The following MGMT variants were observed in gnomAD, a reference collection of about 807,000 sequenced individuals.
MGMT encodes methylated-DNA--protein-cysteine methyltransferase.
MGMT carries 14 observed loss-of-function variants against 15.9 expected under a neutral mutation model. The ratio of observed to expected loss-of-function variants is 0.88; its 90% CI spans 0.58 to 1.37. The LOEUF (loss-of-function observed/expected upper bound fraction) is 1.37, where lower values mean the gene tolerates loss of function less well. MGMT is among the 40% of genes most tolerant of loss of function. The probability of loss-of-function intolerance (pLI) is 0.00; values close to 1 mark genes in which losing one functional copy is unlikely to be tolerated. For missense variants in MGMT, 282 were observed against 268.1 expected (o/e 1.05, Z -0.36); for synonymous variants, 130 against 118.2 (o/e 1.10, Z -0.65).
chr10:129,579,366 C>T (rs1036195348), intron 2 of MGMT, among the ~76,000 whole-genome samples: 52 of 152,286 alleles, frequency 3.4e-4, no homozygotes, highest in African/African-American at 1.2e-3. Context: ...CCAGGAGTCC[C>T]GTGGGTCAGG....
intron 3 of MGMT, among the ~76,000 whole-genome samples, chr10:129,709,079 T>C (rs1486720605): frequency 6.6e-6 from 1 of 152,228 alleles, no homozygotes; most frequent in Non-Finnish European, 1.5e-5. Flanking sequence ...GCAGCTATAA[T>C]GAACCAGGCA....
intron 1 of MGMT, among the ~76,000 whole-genome samples, chr10:129,498,025 G>T (rs150211004): frequency 3.0e-4 from 46 of 152,236 alleles, no homozygotes; most frequent in African/African-American, 1.1e-3. Context: ...ACTTGTGACA[G>T]TTCCTCTTGC....
intron 2 of MGMT, among the ~76,000 whole-genome samples, chr10:129,604,737 A>ACCCGCCCCCCCCCCCCCCCCC (rs1466589243): frequency 2.6e-5 from 1 of 38,766 alleles, no homozygotes; most frequent in Non-Finnish European, 5.4e-5. Flanking sequence ...TCGCCGCCCC[A>ACCCGCCCCCCCCCCCCCCCCC]CCCCCTCCCC....
chr10:129,496,285 G>A (rs1013028356), intron 1 of MGMT, among the ~76,000 whole-genome samples: 2 of 152,078 alleles, frequency 1.3e-5, no homozygotes, highest in African/African-American at 4.8e-5. Flanking sequence ...CCAAAAGCTG[G>A]TCCGATTCTT....
At chr10:129,658,842 G>A (rs534273246) in intron 2 of MGMT, among the ~76,000 whole-genome samples, 3 of 152,112 alleles carry the variant, frequency 2.0e-5, no homozygotes, top group Non-Finnish European at 4.4e-5. Context: ...CTCGCCCTTA[G>A]CTCGCGTGCC....
chr10:129,628,048 C>T (rs1847170368), intron 2 of MGMT, among the ~76,000 whole-genome samples: 2 of 152,078 alleles, frequency 1.3e-5, no homozygotes, highest in South Asian at 4.1e-4. Flanking sequence ...ATATTTTAGT[C>T]CTATTAATGA....
chr10:129,494,712 G>A lies in MGMT; in HGVS notation c.-13+27416G>A, dbSNP rs1845503459. On this transcript the variant is annotated intron_variant, in intron 1 of 4. Coordinates refer to ENST00000651593, the MANE Select transcript of MGMT (RefSeq NM_002412.5). ...AATAAGTAGCCACATGTGGCTAACAGCTGCGTATGGACACTGCCAGTCTAG... is the reference window on the plus strand; with the variant it reads ...AATAAGTAGCCACATGTGGCTAACAACTGCGTATGGACACTGCCAGTCTAG... Among the ~76,000 whole-genome samples the A allele has an allele frequency of 2.0e-5, 3 of 152,326 alleles. No homozygotes were observed. In the South Asian group the frequency reaches 6.2e-4, roughly 32 times the overall value.
At chr10:129,540,600 T>C (rs1846032661) in intron 2 of MGMT, among the ~76,000 whole-genome samples, 1 of 152,254 alleles carries the variant, frequency 6.6e-6, no homozygotes, top group Admixed American at 6.5e-5. Flanking sequence ...ATTCTTTAAA[T>C]TTGGTAGAAT....
intron 1 of MGMT, among the ~76,000 whole-genome samples, chr10:129,508,208 C>T (rs187640475): frequency 9.2e-5 from 14 of 152,148 alleles, no homozygotes; most frequent in African/African-American, 2.4e-4. Context: ...AGCCCTTTTG[C>T]GGGTGGTTCT....
chr10:129,517,029 T>A (rs1344195455), intron 1 of MGMT, among the ~76,000 whole-genome samples: 1 of 152,196 alleles, frequency 6.6e-6, no homozygotes, highest in East Asian at 1.9e-4. Context: ...CAAACTGGTG[T>A]CCAGCAGTCA....
At chr10:129,537,100 C>G (rs1845994212) in intron 2 of MGMT, 1 of 152,006 alleles carries the variant, frequency 6.6e-6, no homozygotes, top group African/African-American at 2.4e-5. Context: ...TTAATTTCCT[C>G]CGTTCATTCT....
At chr10:129,624,304 G>A (rs61978634) in intron 2 of MGMT, among the ~76,000 whole-genome samples, 5,137 of 152,282 alleles carry the variant, frequency 0.034, 219 homozygotes, top group African/African-American at 0.098. Context: ...ATCTCATGGT[G>A]TAGCTTTGGG....
chr10:129,514,664 T>C (rs973649115), intron 1 of MGMT, among the ~76,000 whole-genome samples: 3 of 152,006 alleles, frequency 2.0e-5, no homozygotes, highest in Non-Finnish European at 2.9e-5. Flanking sequence ...GGGGGGAGAT[T>C]AGGTTAGTGC....
At chr10:129,580,049 C>T (rs980096636) in intron 2 of MGMT, among the ~76,000 whole-genome samples, 2 of 152,138 alleles carry the variant, frequency 1.3e-5, no homozygotes, top group Non-Finnish European at 2.9e-5. Context: ...ATTAGGTGTT[C>T]CAGGCTTTGT....
chr10:129,691,743 C>T (rs550483117), intron 2 of MGMT, among the ~76,000 whole-genome samples: 35 of 152,234 alleles, frequency 2.3e-4, no homozygotes, highest in African/African-American at 6.7e-4. Flanking sequence ...GGAATTCAAA[C>T]GCAGCTTCCT....
rs528033031 is a variant in MGMT at position 129,578,285 on chromosome 10, A to C, written c.125+41908A>C. 9.8e-5 allele frequency among the ~76,000 whole-genome samples: 15 copies of C among 152,334 alleles called. No individual in the cohort carries two copies. In the South Asian group the frequency reaches 3.1e-3, roughly 32 times the overall value. On this transcript the variant is annotated intron_variant, in intron 2 of 4. Coordinates refer to ENST00000651593, the MANE Select transcript of MGMT (RefSeq NM_002412.5). ...ATAGCAAAAACTCGGAACCAACCCAAATGTCCAACAATGATAGACTGGATT... is the reference window on the plus strand; with the variant it reads ...ATAGCAAAAACTCGGAACCAACCCACATGTCCAACAATGATAGACTGGATT...
chr10:129,577,538 A>T (rs1362328328), intron 2 of MGMT, among the ~76,000 whole-genome samples: 1 of 152,234 alleles, frequency 6.6e-6, no homozygotes, highest in East Asian at 1.9e-4. Context: ...AATTAATTCA[A>T]GATGGATTAA....
intron 2 of MGMT, among the ~76,000 whole-genome samples, chr10:129,685,441 G>A (rs1031480083): frequency 7.2e-5 from 11 of 152,062 alleles, no homozygotes; most frequent in Admixed American, 2.6e-4. Flanking sequence ...TGCCTTTAAC[G>A]TCTCCGCTGA....
chr10:129,576,815 G>C (rs1339524543), intron 2 of MGMT, among the ~76,000 whole-genome samples: 1 of 152,164 alleles, frequency 6.6e-6, no homozygotes, highest in Non-Finnish European at 1.5e-5. Context: ...ATCTCCTTAA[G>C]CTGATAAGCA....
Sources: gnomAD v4.1 joint callset for allele counts (sites outside exome capture counted in the v4.1 genomes callset) on GRCh38, gnomAD v4.1.1 for gene constraint, MANE v1.5 for transcripts, NCBI Gene and HGNC (gene_info 2026-07-23, HGNC 2026-07-21) for gene names.